NAA35: variants seen among roughly 807,000 people sequenced by gnomAD.
NAA35 encodes the protein MAK10 homolog, amino-acid N-acetyltransferase subunit.
NAA35 carries 18 observed loss-of-function variants against 101.7 expected under a neutral mutation model. The observed-to-expected ratio is 0.18, with a 90% confidence interval of 0.12 to 0.26. NAA35 has a LOEUF of 0.26. NAA35 is among the 10% of genes least tolerant of loss of function. The probability of loss-of-function intolerance (pLI) is 1.00; values close to 1 mark genes in which losing one functional copy is unlikely to be tolerated. For missense variants in NAA35, 601 were observed against 886.8 expected, an observed-to-expected ratio of 0.68 and a Z score of 4.09; for synonymous variants, 267 against 273.1, an observed-to-expected ratio of 0.98 and a Z score of 0.22.
intron 6 of NAA35, among the ~76,000 whole-genome samples, chr9:85,968,226 C>A (rs1462156104): frequency 6.6e-6 from 1 of 152,096 alleles, no homozygotes; most frequent in Non-Finnish European, 1.5e-5. Context: ...CAGCAGTTAT[C>A]TTCCTAAAAA....
chr9:86,010,549 C>CT (rs201432197), intron 15 of NAA35, among the ~76,000 whole-genome samples: 403 of 124,098 alleles, frequency 3.2e-3, no homozygotes, highest in African/African-American at 0.011. Context: ...AAAAACTTTA[C>CT]TTTTTTTTTT....
intron 13 of NAA35, among the ~76,000 whole-genome samples, chr9:86,004,320 G>T (rs1195863469): frequency 2.0e-5 from 3 of 152,018 alleles, no homozygotes; most frequent in Admixed American, 6.6e-5. Context: ...GGCCAGGCTG[G>T]TCTCAAACCC....
intron 2 of NAA35, among the ~76,000 whole-genome samples, chr9:85,947,523 G>C (rs920237524): frequency 6.6e-6 from 1 of 152,182 alleles, no homozygotes; most frequent in Non-Finnish European, 1.5e-5. Context: ...GAGCATGGGT[G>C]AGATGGCCAG....
At chr9:86,019,852 G>A (rs1832434993) in intron 21 of NAA35, among the ~76,000 whole-genome samples, 2 of 152,102 alleles carry the variant, frequency 1.3e-5, no homozygotes, top group African/African-American at 2.4e-5. Context: ...TGAGAGTGAC[G>A]AATATAAGAG....
chr9:85,950,352 T>C (rs1352797329), intron 2 of NAA35, among the ~76,000 whole-genome samples: 1 of 152,204 alleles, frequency 6.6e-6, no homozygotes, highest in Non-Finnish European at 1.5e-5. Context: ...TCCAAGCAAC[T>C]CTCATGTCTC....
rs1830816988 is a variant in NAA35 at position 85,989,706 on chromosome 9, T to C, written c.878-6693T>C. On this transcript the variant is annotated intron_variant, in intron 11 of 22. Coordinates refer to ENST00000361671, the MANE Select transcript of NAA35 (RefSeq NM_024635.4). ...AAAAGCTGTGGCAGAAGGACAGGCA[T>C]TGAGCATTGATTCTGTTTCATTGTA... Among the ~76,000 whole-genome samples, 4 of 152,222 alleles carry C rather than the reference T, an allele frequency of 2.6e-5. No homozygotes were observed. In the South Asian group the frequency reaches 8.3e-4, roughly 31 times the overall value.
At chr9:86,006,649 C>T (rs964044207) in intron 13 of NAA35, among the ~76,000 whole-genome samples, 2 of 152,020 alleles carry the variant, frequency 1.3e-5, no homozygotes, top group Non-Finnish European at 2.9e-5. Flanking sequence ...GCGGGAGGAG[C>T]GTTTGACCAC....
At chr9:86,010,123 C>T (rs1379822567) in intron 15 of NAA35, among the ~76,000 whole-genome samples, 192 bp downstream of exon 15, 2 of 152,094 alleles carry the variant, frequency 1.3e-5, no homozygotes, top group Non-Finnish European at 2.9e-5. Flanking sequence ...TGGCGCACGC[C>T]TGTAGTGCCA....
chr9:86,005,440 G>A (rs1181870614), intron 13 of NAA35, among the ~76,000 whole-genome samples: 2 of 152,182 alleles, frequency 1.3e-5, no homozygotes, highest in Admixed American at 6.5e-5. Flanking sequence ...AGGCAAAGAT[G>A]CCCACTTCGC....
intron 11 of NAA35, among the ~76,000 whole-genome samples, chr9:85,989,793 A>G (rs1830820463): frequency 6.6e-6 from 1 of 152,238 alleles, no homozygotes; most frequent in African/African-American, 2.4e-5. Context: ...AACTGTCAAG[A>G]ATCTTGACAA....
At chr9:85,967,836 T>C (rs560636238) in intron 6 of NAA35, among the ~76,000 whole-genome samples, 1 of 152,148 alleles carries the variant, frequency 6.6e-6, no homozygotes, top group East Asian at 1.9e-4. Flanking sequence ...AAATTATTGA[T>C]TTAAATTGGA....
At chr9:85,994,930 C>T (rs546344492) in intron 11 of NAA35, among the ~76,000 whole-genome samples, 7 of 152,222 alleles carry the variant, frequency 4.6e-5, no homozygotes, top group African/African-American at 1.4e-4. Flanking sequence ...TGACAGATAT[C>T]CTAATTACCC....
At position 85,979,000 on chromosome 9, in the gene NAA35, TAATG is replaced by T. The variant is rs368052302; in HGVS notation, c.877+623_877+626del. On this transcript the variant is annotated intron_variant, in intron 11 of 22. Transcript: ENST00000361671. ...ATTTTTACAAAGGCCATTTCAATAA[TAATG>T]AATCACCTTTTTAATCACCTCTCCT... Among the ~76,000 whole-genome samples the T allele has an allele frequency of 2.7e-4, 41 of 152,316 alleles. No homozygotes were observed. In the East Asian group the frequency reaches 6.9e-3, roughly 26 times the overall value.
At chr9:85,988,761 A>T (rs1564309804) in intron 11 of NAA35, among the ~76,000 whole-genome samples, 1 of 151,260 alleles carries the variant, frequency 6.6e-6, no homozygotes, top group Non-Finnish European at 1.5e-5. Context: ...ACGCCATTGC[A>T]CTCCAGTCTG....
chr9:86,002,611 C>T (rs1027059753), intron 12 of NAA35, among the ~76,000 whole-genome samples: 13 of 152,000 alleles, frequency 8.6e-5, no homozygotes, highest in African/African-American at 2.9e-4. Context: ...AACCAGTCTT[C>T]AAGTTCTGAG....
At chr9:85,963,411 C>T (rs1829610394) in intron 6 of NAA35, among the ~76,000 whole-genome samples, 1 of 151,748 alleles carries the variant, frequency 6.6e-6, no homozygotes, top group Non-Finnish European at 1.5e-5. Flanking sequence ...GCTGGGATTA[C>T]AGGCGTGCAC....
At chr9:85,953,497 G>A (rs1829111382) in intron 2 of NAA35, among the ~76,000 whole-genome samples, 1 of 152,086 alleles carries the variant, frequency 6.6e-6, no homozygotes, top group Non-Finnish European at 1.5e-5. Context: ...TGCAATCTCG[G>A]CTCACTGCAA....
rs376032760 is a variant in NAA35 at position 85,985,107 on chromosome 9, C to T, written c.877+6726C>T. ...TGCAAATCAAAATGAAAAGTTACTG[C>T]GGCCCACCCACTTGATTGCTTTAAT... On this transcript the variant is annotated intron_variant, in intron 11 of 22. Transcript: ENST00000361671. Among the ~76,000 whole-genome samples the T allele has an allele frequency of 1.2e-4, 18 of 152,212 alleles. No individual in the cohort carries two copies. The South Asian group carries it at 1.7e-3, about 14-fold the overall frequency.
At chr9:86,021,225 A>G (rs1028578321) in intron 22 of NAA35, among the ~76,000 whole-genome samples, 1 of 152,170 alleles carries the variant, frequency 6.6e-6, no homozygotes, top group Non-Finnish European at 1.5e-5. Flanking sequence ...ACTTGGGGTA[A>G]AAAAAGAAAA....
Sources: allele counts gnomAD v4.1 joint callset (sites outside exome capture counted in the v4.1 genomes callset), GRCh38; gene constraint gnomAD v4.1.1; transcripts MANE v1.5; gene names NCBI Gene and HGNC (gene_info 2026-07-23, HGNC 2026-07-21).